CTNNA3: variants seen among roughly 807,000 people sequenced by gnomAD.
The protein encoded by CTNNA3 is catenin alpha 3, also known as catenin alpha-3.
In CTNNA3, 76 loss-of-function variants were observed where a neutral mutation model predicts 95.7. That is an observed-to-expected ratio of 0.79 (90% CI 0.66 to 0.96). The LOEUF is 0.96. CTNNA3 is among the 40% of genes least tolerant of loss of function. The pLI is 0.00. For synonymous variants in CTNNA3, 431 were observed against 374.4 expected (o/e 1.15, Z -1.74); for missense variants, 1,191 against 1,089.8 (o/e 1.09, Z -1.31).
intron 17 of CTNNA3, among the ~76,000 whole-genome samples, chr10:65,957,486 G>A (rs1394944274): frequency 2.0e-5 from 3 of 152,236 alleles, no homozygotes; most frequent in Admixed American, 6.5e-5. Context: ...TTCTAGCCTC[G>A]ATGGTCTTTA....
At position 66,747,496 on chromosome 10, in the gene CTNNA3, T is replaced by G. The variant is rs556093206; in HGVS notation, c.1281+18768A>C. 1.4e-4 allele frequency among the ~76,000 whole-genome samples: 22 copies of G among 152,282 alleles called. No homozygotes were observed. In the East Asian group the frequency reaches 4.2e-3, roughly 29 times the overall value. ...TCCTGTTTTAATGCAGCAGGTAGCT[T>G]TATAGCTGTGAATTTTCTGAACATA... On this transcript the variant is annotated intron_variant, in intron 9 of 17. Coordinates refer to ENST00000433211, the MANE Select transcript of CTNNA3 (RefSeq NM_013266.4).
At chr10:67,180,286 C>A (rs745467458) in intron 7 of CTNNA3, 31 bp downstream of exon 7, 1 of 1,578,544 alleles carries the variant, frequency 6.3e-7, no homozygotes, top group Admixed American at 1.7e-5. Context: ...GGAAGAGGGG[C>A]TAGGGATGGG....
At position 67,011,108 on chromosome 10, in the gene CTNNA3, T is replaced by A. The variant is rs540249715; in HGVS notation, c.1047+169209A>T. 2.0e-5 allele frequency among the ~76,000 whole-genome samples: 3 copies of A among 152,162 alleles called. No homozygotes were observed. The East Asian group carries it at 5.8e-4, about 29-fold the overall frequency. On this transcript the variant is annotated intron_variant, in intron 7 of 17. Coordinates refer to ENST00000433211, the MANE Select transcript of CTNNA3 (RefSeq NM_013266.4). ...ACTTTGGGAGGCCAAGGCAGACGGA[T>A]CACGAAGTCAAGGGGTCAAGACCAT...
chr10:66,273,282 C>G (rs915075066), intron 13 of CTNNA3, among the ~76,000 whole-genome samples: 1 of 152,116 alleles, frequency 6.6e-6, no homozygotes, highest in African/African-American at 2.4e-5. Context: ...GAGGGGAGCA[C>G]AGACAACATG....
chr10:66,226,873 G>A (rs2089314709), intron 13 of CTNNA3, among the ~76,000 whole-genome samples: 1 of 151,864 alleles, frequency 6.6e-6, no homozygotes, highest in Admixed American at 6.6e-5. Flanking sequence ...TATTATTGGT[G>A]TATAGAGAGA....
At chr10:66,010,324 G>C (rs1057173113) in intron 15 of CTNNA3, among the ~76,000 whole-genome samples, 1 of 152,132 alleles carries the variant, frequency 6.6e-6, no homozygotes, top group Non-Finnish European at 1.5e-5. Flanking sequence ...TAGTATGTAA[G>C]TTAAAGAATA....
intron 6 of CTNNA3, among the ~76,000 whole-genome samples, chr10:67,193,676 C>A (rs10822998): frequency 2.0e-5 from 3 of 151,842 alleles, no homozygotes; most frequent in Non-Finnish European, 4.4e-5. Context: ...TAATCTCACT[C>A]TTTTTATGGC....
At chr10:67,529,905 A>G (rs1305666105) in intron 4 of CTNNA3, among the ~76,000 whole-genome samples, 1 of 152,088 alleles carries the variant, frequency 6.6e-6, no homozygotes, top group Non-Finnish European at 1.5e-5. Flanking sequence ...TGATTGAATT[A>G]TGGGGGCAGG....
At chr10:66,355,293 TCCA>T (rs955288960) in intron 12 of CTNNA3, among the ~76,000 whole-genome samples, 1 of 152,106 alleles carries the variant, frequency 6.6e-6, no homozygotes, top group African/African-American at 2.4e-5. Context: ...ATTTCATGGA[TCCA>T]CCATTTAACT....
At chr10:66,611,116 C>T (rs543468704) in intron 10 of CTNNA3, among the ~76,000 whole-genome samples, 39 of 151,986 alleles carry the variant, frequency 2.6e-4, no homozygotes, top group African/African-American at 8.9e-4. Flanking sequence ...GGTAGAATGG[C>T]GGTTACCAGA....
intron 12 of CTNNA3, among the ~76,000 whole-genome samples, chr10:66,319,913 T>C (rs574684845): frequency 6.6e-6 from 1 of 152,252 alleles, no homozygotes; most frequent in East Asian, 1.9e-4. Flanking sequence ...GAGTAGATAC[T>C]GAGTGGATGA....
chr10:66,629,885 C>G (rs975808505), intron 9 of CTNNA3, among the ~76,000 whole-genome samples: 1 of 152,120 alleles, frequency 6.6e-6, no homozygotes, highest in Non-Finnish European at 1.5e-5. Flanking sequence ...CAGATCTCTG[C>G]TCAAAAGTAA....
intron 11 of CTNNA3, among the ~76,000 whole-genome samples, chr10:66,431,905 T>TA (rs1175644850): frequency 6.6e-6 from 1 of 151,946 alleles, no homozygotes; most frequent in African/African-American, 2.4e-5. Flanking sequence ...AATAAAAATA[T>TA]ATATATAAAA....
At chr10:66,646,013 CTT>C (rs1188053649) in intron 9 of CTNNA3, among the ~76,000 whole-genome samples, 1 of 152,128 alleles carries the variant, frequency 6.6e-6, no homozygotes, top group Non-Finnish European at 1.5e-5. Context: ...TTATTTACCT[CTT>C]TTTATTATTT....
At chr10:67,180,576 A>G (rs1862488911) in intron 6 of CTNNA3, 56 bp from the exon 7 acceptor site, 1 of 1,399,652 alleles carries the variant, frequency 7.1e-7, no homozygotes, top group African/African-American at 1.4e-5. Flanking sequence ...ACTTTTATGA[A>G]AAACAAATGT....
intron 7 of CTNNA3, among the ~76,000 whole-genome samples, chr10:67,072,588 G>A (rs1310637882): frequency 6.6e-6 from 1 of 152,188 alleles, no homozygotes; most frequent in East Asian, 1.9e-4. Flanking sequence ...CAGCTGGGTT[G>A]GGGCTAGATT....
chr10:67,409,432 G>A (rs1369715677), intron 5 of CTNNA3, among the ~76,000 whole-genome samples: 1 of 152,136 alleles, frequency 6.6e-6, no homozygotes, highest in Non-Finnish European at 1.5e-5. Context: ...CGTGTCCTTT[G>A]CAGGAACATG....
At chr10:66,170,123 A>T (rs1441770734) in intron 13 of CTNNA3, among the ~76,000 whole-genome samples, 1 of 150,828 alleles carries the variant, frequency 6.6e-6, no homozygotes, top group East Asian at 2.0e-4. Flanking sequence ...GGTTTTTCTG[A>T]TGTTATCTTC....
chr10:66,206,673 T>C (rs770845969), intron 13 of CTNNA3, among the ~76,000 whole-genome samples: 3 of 151,858 alleles, frequency 2.0e-5, no homozygotes, highest in Non-Finnish European at 4.4e-5. Context: ...TGCAGAGATT[T>C]GGCCATATCA....
Sources: gnomAD v4.1 joint callset for allele counts (sites outside exome capture counted in the v4.1 genomes callset) on GRCh38, gnomAD v4.1.1 for gene constraint, MANE v1.5 for transcripts, NCBI Gene and HGNC (gene_info 2026-07-23, HGNC 2026-07-21) for gene names.